DNAJC1: variants seen among roughly 807,000 people sequenced by gnomAD.
DNAJC1 encodes the protein dnaJ homolog subfamily C member 1.
DNAJC1 carries 58 observed loss-of-function variants against 76.6 expected under a neutral mutation model. The observed-to-expected ratio is 0.76, with a 90% CI of 0.61 to 0.94. DNAJC1 has a LOEUF of 0.94. DNAJC1 is among the 40% of genes least tolerant of loss of function. DNAJC1 has a pLI of 0.00. For missense variants in DNAJC1, 689 were observed against 677.3 expected, an observed-to-expected ratio of 1.02 and a Z score of -0.19; for synonymous variants, 258 against 267.9, an observed-to-expected ratio of 0.96 and a Z score of 0.36.
intron 8 of DNAJC1, among the ~76,000 whole-genome samples, chr10:21,846,021 T>C (rs772887670): frequency 1.3e-5 from 2 of 152,178 alleles, no homozygotes; most frequent in Non-Finnish European, 2.9e-5. Context: ...CAAATTTAGT[T>C]ATGAAAGATC....
At chr10:21,956,548 C>A (rs1051799445) in intron 1 of DNAJC1, among the ~76,000 whole-genome samples, 1 of 150,834 alleles carries the variant, frequency 6.6e-6, no homozygotes, top group African/African-American at 2.4e-5. Flanking sequence ...CACATAAATA[C>A]ACATACATAT....
At position 21,993,963 on chromosome 10, in the gene DNAJC1, C is replaced by T. The variant is rs185993488; in HGVS notation, c.222+9250G>A. Among the ~76,000 whole-genome samples, 568 of 152,162 alleles carry T rather than the reference C, an allele frequency of 3.7e-3. 4 individuals carry two copies. The highest frequency in any genetic ancestry group is 6.8e-3 in the Middle Eastern group (2 of 294). On this transcript the variant is annotated intron_variant, in intron 1 of 11. Transcript: ENST00000376980. Reference sequence around the variant, plus strand: ...TAATAAGTAGTCCAAGAGTCATTTGCTCTAATACTTTCTACTACCTTGTAA... The same window carrying T: ...TAATAAGTAGTCCAAGAGTCATTTGTTCTAATACTTTCTACTACCTTGTAA...
chr10:21,922,724 C>G (rs1837060104), intron 3 of DNAJC1, among the ~76,000 whole-genome samples: 1 of 151,934 alleles, frequency 6.6e-6, no homozygotes. Context: ...TTACAACATT[C>G]AAATGAAGTC....
rs1454548652 is a variant in DNAJC1, at chr10:22,003,478, C to T, written c.-44G>A. On this transcript the variant is annotated 5_prime_UTR_variant, in exon 1 of 12. Transcript: ENST00000376980. ...GTCACCCGCCGCGCAGCTCCGTTGG[C>T]CGAGAGCTGGGACGTGGCGGGCGGC... The T allele has an allele frequency of 9.3e-5, 123 of 1,324,834 alleles. No homozygotes were observed. Among genetic ancestry groups the T allele is most frequent in the Non-Finnish European group, 1.1e-4 (118 of 1,044,122 alleles). 82.1% of individuals were successfully genotyped at this position (1,324,834 alleles called of 1,614,324 possible).
At chr10:21,798,237 G>C (rs1834771245) in intron 9 of DNAJC1, among the ~76,000 whole-genome samples, 1 of 152,138 alleles carries the variant, frequency 6.6e-6, no homozygotes, top group Non-Finnish European at 1.5e-5. Flanking sequence ...ATTGTGTTCT[G>C]AAAGGACAAC....
chr10:21,815,589 T>C (rs1321220115), intron 8 of DNAJC1, among the ~76,000 whole-genome samples: 1 of 152,232 alleles, frequency 6.6e-6, no homozygotes, highest in South Asian at 2.1e-4. Context: ...GTTGGCAATA[T>C]ATGCCTTTTC....
At chr10:21,850,533 CTT>C (rs1041190429) in intron 8 of DNAJC1, among the ~76,000 whole-genome samples, 24 of 136,384 alleles carry the variant, frequency 1.8e-4, no homozygotes, top group Non-Finnish European at 1.8e-4. Flanking sequence ...ATTTTCTTTT[CTT>C]TTTTTTTTTT....
chr10:21,780,128 C>T (rs1284672574), intron 9 of DNAJC1, among the ~76,000 whole-genome samples: 2 of 152,158 alleles, frequency 1.3e-5, no homozygotes, highest in East Asian at 3.9e-4. Context: ...ATTGGTGTAC[C>T]TGAAAGTGAC....
At chr10:21,857,350 T>C (rs1417877617) in intron 8 of DNAJC1, among the ~76,000 whole-genome samples, 1 of 152,156 alleles carries the variant, frequency 6.6e-6, no homozygotes, top group Non-Finnish European at 1.5e-5. Context: ...TGTATATAGA[T>C]AAATGTGAAA....
At chr10:21,979,376 C>A (rs1472408966) in intron 1 of DNAJC1, among the ~76,000 whole-genome samples, 1 of 151,828 alleles carries the variant, frequency 6.6e-6, no homozygotes, top group African/African-American at 2.4e-5. Context: ...AATCTATATC[C>A]CAAATAAGGA....
chr10:21,884,500 C>G (rs1836335895), intron 7 of DNAJC1, among the ~76,000 whole-genome samples: 1 of 152,120 alleles, frequency 6.6e-6, no homozygotes, highest in East Asian at 1.9e-4. Flanking sequence ...GCAGTCTAAA[C>G]ATATCCATTA....
Position 22,003,595 on chromosome 10 carries a change from A to G in DNAJC1, c.-161T>C. ...GTGGCTGGCCCCAGACAGAGCGCGGAGGCGGCGGGAGCCGGCTGCCGGACG... is the reference window on the plus strand; with the variant it reads ...GTGGCTGGCCCCAGACAGAGCGCGGGGGCGGCGGGAGCCGGCTGCCGGACG... On this transcript the variant is annotated 5_prime_UTR_variant, in exon 1 of 12. Transcript: ENST00000376980. 1.2e-6 allele frequency: 1 copy of G among 837,186 alleles called. No homozygotes were observed. Among genetic ancestry groups the G allele is most frequent in the Non-Finnish European group, 1.6e-6 (1 of 629,418 alleles). The allele number at this position is 837,186 out of a possible 1,614,324, so 51.9% of individuals were successfully genotyped here.
At chr10:21,801,050 A>G (rs868830955) in intron 9 of DNAJC1, among the ~76,000 whole-genome samples, 1 of 152,228 alleles carries the variant, frequency 6.6e-6, no homozygotes, top group East Asian at 1.9e-4. Flanking sequence ...ATATCTTAAC[A>G]GCAGTTTACT....
intron 11 of DNAJC1, among the ~76,000 whole-genome samples, 163 bp from the exon 12 acceptor site, chr10:21,756,918 C>T (rs568629358): frequency 6.6e-6 from 1 of 152,158 alleles, no homozygotes; most frequent in Non-Finnish European, 1.5e-5. Flanking sequence ...CAAGGCAGAC[C>T]GGTCTGGGCA....
At chr10:21,919,989 T>C in intron 4 of DNAJC1, 60 bp from the exon 5 acceptor site, 1 of 1,045,170 alleles carries the variant, frequency 9.6e-7, no homozygotes, top group Non-Finnish European at 1.4e-6. Context: ...TCAAATGTTA[T>C]CTAGGCTCTT....
At chr10:21,856,806 G>A (rs998002720) in intron 8 of DNAJC1, among the ~76,000 whole-genome samples, 11 of 151,574 alleles carry the variant, frequency 7.3e-5, no homozygotes, top group Non-Finnish European at 1.3e-4. Context: ...GCGCTATCTC[G>A]GCTCACTGCC....
chr10:21,959,213 C>T (rs560643128), intron 1 of DNAJC1, among the ~76,000 whole-genome samples: 2 of 152,170 alleles, frequency 1.3e-5, no homozygotes, highest in Non-Finnish European at 2.9e-5. Context: ...CAACCTCTGC[C>T]TTCCGGGTTC....
At chr10:21,795,874 A>C (rs2131636911) in intron 9 of DNAJC1, among the ~76,000 whole-genome samples, 1 of 152,162 alleles carries the variant, frequency 6.6e-6, no homozygotes, top group East Asian at 1.9e-4. Flanking sequence ...ATAAAAATGG[A>C]ATCATGTAGT....
chr10:21,827,258 TTATA>T (rs1013449974), intron 8 of DNAJC1, among the ~76,000 whole-genome samples: 2 of 152,118 alleles, frequency 1.3e-5, no homozygotes, highest in Admixed American at 1.3e-4. Context: ...TGCCTTGGGG[TTATA>T]TAATTTGTAT....
Sources: gnomAD v4.1 joint callset for allele counts (sites outside exome capture counted in the v4.1 genomes callset) on GRCh38, gnomAD v4.1.1 for gene constraint, MANE v1.5 for transcripts, NCBI Gene and HGNC (gene_info 2026-07-23, HGNC 2026-07-21) for gene names.